The following NFIB variants were observed in gnomAD, a reference collection of about 807,000 sequenced individuals.
NFIB encodes nuclear factor 1 B-type.
A neutral mutation model predicts 61.5 loss-of-function variants in NFIB; 11 were observed. The ratio of observed to expected loss-of-function variants is 0.18; its 90% CI spans 0.11 to 0.30. The LOEUF (loss-of-function observed/expected upper bound fraction) is 0.30. NFIB is among the 10% of genes least tolerant of loss of function. NFIB has a pLI of 1.00. For missense variants in NFIB, 471 were observed against 608.9 expected (o/e 0.77, Z 2.38); for synonymous variants, 260 against 216.5 (o/e 1.20, Z -1.76).
chr9:14,206,695 CAAAAAAAAAA>C (rs889983433), intron 2 of NFIB, among the ~76,000 whole-genome samples: 6,652 of 71,522 alleles, frequency 0.093, 211 homozygotes, highest in Middle Eastern at 0.16. Flanking sequence ...ACATGCTTTA[CAAAAAAAAAA>C]AAAAAAAAAA....
At chr9:14,520,743 C>T in the NFIB span, among the ~76,000 whole-genome samples, 7 of 152,138 alleles carry the variant, frequency 4.6e-5, no homozygotes, top group South Asian at 2.1e-4. Flanking sequence ...TGAGACAGCA[C>T]CTTCATTTAA....
intron 2 of NFIB, among the ~76,000 whole-genome samples, chr9:14,294,361 C>T (rs1311109472): frequency 6.6e-6 from 1 of 152,222 alleles, no homozygotes; most frequent in Non-Finnish European, 1.5e-5. Context: ...TAGAATTTAA[C>T]AACCATGTAT....
chr9:14,389,748 C>T (rs961201586), intron 1 of NFIB, among the ~76,000 whole-genome samples: 1 of 141,142 alleles, frequency 7.1e-6, no homozygotes, highest in East Asian at 1.9e-4. Context: ...CCAGCATTTC[C>T]ACCCCCAAAG....
chr9:14,146,833 T>C, intron 5 of NFIB, 26 bp from the exon 6 acceptor site: 1 of 1,596,376 alleles, frequency 6.3e-7, no homozygotes, highest in Non-Finnish European at 8.5e-7. Flanking sequence ...AATAGTTATA[T>C]TAATGGGATT....
At chr9:14,501,485 G>C in the NFIB span, among the ~76,000 whole-genome samples, 2 of 152,128 alleles carry the variant, frequency 1.3e-5, no homozygotes, top group Admixed American at 1.3e-4. Context: ...TCACTTTGCT[G>C]TATTACCTTA....
chr9:14,449,886 G>A, the NFIB span, among the ~76,000 whole-genome samples: 8 of 151,970 alleles, frequency 5.3e-5, no homozygotes, highest in African/African-American at 1.7e-4. Context: ...AGTGAGCCGA[G>A]ATCACGCCAC....
chr9:14,387,405 G>A (rs2133020147), intron 1 of NFIB, among the ~76,000 whole-genome samples: 1 of 152,272 alleles, frequency 6.6e-6, no homozygotes. Flanking sequence ...TGAGAAAAGT[G>A]ATTCTAAAAT....
chr9:14,287,937 C>T (rs1008079904), intron 2 of NFIB, among the ~76,000 whole-genome samples: 3 of 152,000 alleles, frequency 2.0e-5, no homozygotes, highest in Non-Finnish European at 4.4e-5. Flanking sequence ...CCTCATCAAA[C>T]AAAAACCATT....
chr9:14,435,243 T>TC, the NFIB span, among the ~76,000 whole-genome samples: 2 of 152,150 alleles, frequency 1.3e-5, no homozygotes, highest in African/African-American at 4.8e-5. Flanking sequence ...AAACCAAATC[T>TC]CCTGCTCGAC....
At chr9:14,265,764 C>G (rs964676219) in intron 2 of NFIB, among the ~76,000 whole-genome samples, 1 of 152,176 alleles carries the variant, frequency 6.6e-6, no homozygotes, top group Non-Finnish European at 1.5e-5. Flanking sequence ...AAGCATTGAG[C>G]TACATGCTAG....
At chr9:14,295,622 C>T (rs983229087) in intron 2 of NFIB, among the ~76,000 whole-genome samples, 1 of 140,370 alleles carries the variant, frequency 7.1e-6, no homozygotes, top group Non-Finnish European at 1.5e-5. Flanking sequence ...CCCAGCCAGA[C>T]TCCTTCTCAA....
At chr9:14,182,343 A>C (rs751424883) in intron 2 of NFIB, among the ~76,000 whole-genome samples, 7 of 152,200 alleles carry the variant, frequency 4.6e-5, no homozygotes, top group Non-Finnish European at 1.0e-4. Context: ...CTCATGAAAT[A>C]AAGCAGTGTA....
rs565966263 is a variant in NFIB, at chr9:14,096,448, T to C, written c.1468-8122A>G. 3.9e-5 allele frequency: 6 copies of C among 152,260 alleles called. No homozygotes were observed. The East Asian group carries it at 1.2e-3, about 29-fold the overall frequency. The allele number at this position is 152,260 out of a possible 1,614,324, so 9.4% of individuals were successfully genotyped here. ...AATCTGCAGTCCTGCTCAGAAAATA[T>C]CACGGAAAAAAGTTGTTTTCTTTCC... On this transcript the variant is annotated intron_variant, in intron 10 of 10. Coordinates refer to ENST00000380953, the MANE Select transcript of NFIB (RefSeq NM_001190737.2).
At chr9:14,158,091 A>G in intron 3 of NFIB, among the ~76,000 whole-genome samples, 1 of 150,764 alleles carries the variant, frequency 6.6e-6, no homozygotes, top group East Asian at 1.9e-4. Context: ...AGTCTGGGCG[A>G]CAGAACAAGA....
At chr9:14,405,622 T>G in the NFIB span, among the ~76,000 whole-genome samples, 1 of 151,414 alleles carries the variant, frequency 6.6e-6, no homozygotes, top group Non-Finnish European at 1.5e-5. Context: ...CCAAAAAAAA[T>G]GGATGAACTC....
the NFIB span, among the ~76,000 whole-genome samples, chr9:14,408,054 C>G: frequency 6.6e-6 from 1 of 152,108 alleles, no homozygotes; most frequent in African/African-American, 2.4e-5. Context: ...CATTTGTATT[C>G]TAAATGAAAA....
chr9:14,280,351 G>GCA lies in NFIB; in HGVS notation c.562+26636_562+26637dup, dbSNP rs146626239. ...TGATGTAAGGAATAGATGAAAATACGCACACACACACACATTCAAGTGTTT... is the reference window on the plus strand; with the variant it reads ...TGATGTAAGGAATAGATGAAAATACGCACACACACACACACATTCAAGTGTTT... On this transcript the variant is annotated intron_variant, in intron 2 of 10. Coordinates refer to ENST00000380953, the MANE Select transcript of NFIB (RefSeq NM_001190737.2). Among the ~76,000 whole-genome samples, 41 of 151,738 alleles carry GCA rather than the reference G, an allele frequency of 2.7e-4. No homozygotes were observed. The South Asian group carries it at 4.2e-3, about 15-fold the overall frequency.
At position 14,146,758 on chromosome 9, in the gene NFIB, T is replaced by C; in HGVS notation, c.856A>G (p.Thr286Ala). 5.0e-6 allele frequency: 8 copies of C among 1,607,322 alleles called. No homozygotes were observed. Among genetic ancestry groups the C allele is most frequent in the Non-Finnish European group, 6.8e-6 (8 of 1,178,334 alleles). Residue 286 changes from threonine (T) to alanine (A), a missense_variant, in exon 6 of 11, where the codon ACA becomes GCA. Physicochemically the swap from Thr to Ala is moderately conservative, Grantham distance 58. This residue lies in a region of NFIB where 372 missense variants were observed against 395.6 expected (regional missense o/e 0.94). Transcript: ENST00000380953. ...CTTGGAGAGGGGTAAAAGTCTCCTGTAGGACTTGGTTCCATATTTTCATCT... is the reference window on the plus strand; with the variant it reads ...CTTGGAGAGGGGTAAAAGTCTCCTGCAGGACTTGGTTCCATATTTTCATCT... ...SIDENMEPSP[T>A]GDFYPSPSSP...
chr9:14,181,492 T>G (rs961104528), intron 2 of NFIB, among the ~76,000 whole-genome samples: 3 of 152,220 alleles, frequency 2.0e-5, no homozygotes, highest in Admixed American at 6.5e-5. Flanking sequence ...ATTCAGTGAC[T>G]TATAAATTAG....
Sources: gnomAD v4.1 joint callset for allele counts (sites outside exome capture counted in the v4.1 genomes callset) on GRCh38, gnomAD v4.1.1 for gene constraint, gnomAD v4.1.1 regional missense constraint, MANE v1.5 for transcripts, NCBI Gene and HGNC (gene_info 2026-07-23, HGNC 2026-07-21) for gene names.